GRM4: variants seen among roughly 807,000 people sequenced by gnomAD.
The protein encoded by GRM4 is glutamate metabotropic receptor 4, also known as metabotropic glutamate receptor 4.
GRM4 carries 28 observed loss-of-function variants against 81.7 expected under a neutral mutation model. The observed-to-expected ratio is 0.34, with a 90% CI of 0.25 to 0.47. GRM4 has a LOEUF of 0.47. Among genes scored for constraint, GRM4 ranks in the 20% least tolerant of loss-of-function variants. The pLI is 1.00. For synonymous variants in GRM4, 488 were observed against 528.8 expected (o/e 0.92, Z 1.06); for missense variants, 948 against 1,290.0 (o/e 0.73, Z 4.06).
rs773269550 is a variant in GRM4 at position 34,040,544 on chromosome 6, C to T, written c.1369+4G>A. 4 of 1,610,828 alleles carry T rather than the reference C, an allele frequency of 2.5e-6. No homozygotes were observed. Among genetic ancestry groups the T allele is most frequent in the Admixed American group, 1.7e-5 (1 of 59,752 alleles). Reference sequence around the variant, plus strand: ...GTCAGGCACAGTCCGCACCACACCCCCACCTGAGAAGTTGACGTTTCGGAT... The same window carrying T: ...GTCAGGCACAGTCCGCACCACACCCTCACCTGAGAAGTTGACGTTTCGGAT... On this transcript the variant is annotated splice_donor_region_variant and intron_variant, in intron 7 of 10. Coordinates refer to ENST00000538487, the MANE Select transcript of GRM4 (RefSeq NM_000841.4).
intron 2 of GRM4, among the ~76,000 whole-genome samples, chr6:34,128,994 C>T (rs977124180): frequency 4.0e-5 from 6 of 151,800 alleles, no homozygotes; most frequent in South Asian, 4.2e-4. Flanking sequence ...CTTCCTCCCC[C>T]GAACAATGAC....
chr6:34,041,886 C>T (rs1203677354), intron 6 of GRM4, among the ~76,000 whole-genome samples: 3 of 152,182 alleles, frequency 2.0e-5, no homozygotes, highest in South Asian at 2.1e-4. Flanking sequence ...AGGCATTGTA[C>T]GGAACTCTTG....
In GRM4 at chr6:34,026,053, C is replaced by A. The variant is rs187374772; in HGVS notation, c.2689+2067G>T. 7.6e-4 allele frequency among the ~76,000 whole-genome samples: 116 copies of A among 152,320 alleles called. 1 individual carries two copies. The highest frequency in any genetic ancestry group is 2.5e-3 in the African/African-American group (105 of 41,560). ...TGCTGGTTTTCAGTTGCCGGAGGCG[C>A]AGATAACAATTAGCCAGGCAGTGCT... On this transcript the variant is annotated intron_variant, in intron 10 of 10. Transcript: ENST00000538487.
upstream of GRM4, among the ~76,000 whole-genome samples, chr6:34,146,411 G>C (rs1166735343): frequency 6.6e-6 from 1 of 152,180 alleles, no homozygotes; most frequent in Non-Finnish European, 1.5e-5. Flanking sequence ...CCTCCTGGTC[G>C]GCAGGCTGCA....
chr6:34,111,330 C>G lies in GRM4; in HGVS notation c.520-19231G>C, dbSNP rs141564759. ...ATGAGGAGCCACTCCTTGAGTCCCA[C>G]ACATACTTTCCTGGACTCACACTCA... On this transcript the variant is annotated intron_variant, in intron 2 of 10. Coordinates refer to ENST00000538487, the MANE Select transcript of GRM4 (RefSeq NM_000841.4). This position sits in a 1 kb window ranked among gnomAD's most constrained non-coding sequence, Gnocchi z 5.1. 1.1e-3 allele frequency among the ~76,000 whole-genome samples: 168 copies of G among 151,540 alleles called. No individual in the cohort carries two copies. Among genetic ancestry groups the G allele is most frequent in the African/African-American group, 3.5e-3 (145 of 41,232 alleles).
At chr6:34,044,271 T>TACACATACACACAC (rs1765179898) in intron 6 of GRM4, among the ~76,000 whole-genome samples, 1 of 139,552 alleles carries the variant, frequency 7.2e-6, no homozygotes, top group African/African-American at 2.7e-5. Flanking sequence ...CATACACATA[T>TACACATACACACAC]ACACATACAC....
intron 3 of GRM4, chr6:34,063,166 G>A (rs936048902): frequency 2.6e-5 from 4 of 152,448 alleles, no homozygotes; most frequent in African/African-American, 9.6e-5. Context: ...GGCACCGCTG[G>A]GCTTCCAAAT....
In GRM4 at chr6:34,018,696, G is replaced by A. The variant is rs1763764259; in HGVS notation, c.*4125C>T. 1 of 152,096 alleles carries A rather than the reference G, an allele frequency of 6.6e-6. No homozygotes were observed. The highest frequency in any genetic ancestry group is 1.5e-5 in the Non-Finnish European group (1 of 68,020). The allele number at this position is 152,096 out of a possible 1,614,324, so 9.4% of individuals were successfully genotyped here. A position where few individuals can be genotyped will look rare whatever the true frequency, so the allele number is the denominator to read the frequency against. On this transcript the variant is annotated 3_prime_UTR_variant, in exon 11 of 11. Transcript: ENST00000538487. ...GAGCAATGGCGGGCTGAATTACACA[G>A]GCAGGGCCTTGGAGGTTACCTAAAA... is the stretch of plus-strand genomic sequence containing the variant.
intron 8 of GRM4, among the ~76,000 whole-genome samples, chr6:34,039,519 C>T (rs918876847): frequency 2.6e-5 from 4 of 152,180 alleles, no homozygotes; most frequent in African/African-American, 9.7e-5. Flanking sequence ...GAGGAACAAA[C>T]CAAAGGTCCT....
intron 2 of GRM4, among the ~76,000 whole-genome samples, chr6:34,099,297 GGCCCTCAGCCT>G (rs905600345): frequency 8.5e-5 from 13 of 152,302 alleles, no homozygotes; most frequent in African/African-American, 2.6e-4. Flanking sequence ...GTGGTCAGAT[GGCCCTCAGCCT>G]GCCCTCAGCC....
At chr6:34,056,410 G>T in intron 6 of GRM4, 134 bp downstream of exon 6, 1 of 745,524 alleles carries the variant, frequency 1.3e-6, no homozygotes, top group East Asian at 2.8e-5. Context: ...CACCCCAGGT[G>T]CAGGCCCAAC....
At chr6:34,132,547 T>C (rs988021398) in intron 2 of GRM4, among the ~76,000 whole-genome samples, 1 of 150,622 alleles carries the variant, frequency 6.6e-6, no homozygotes, top group Non-Finnish European at 1.5e-5. Flanking sequence ...CATATTTCCA[T>C]TCTTCTTATC....
At chr6:34,117,567 A>G (rs1769647700) in intron 2 of GRM4, among the ~76,000 whole-genome samples, 10 of 152,110 alleles carry the variant, frequency 6.6e-5, no homozygotes, top group Admixed American at 6.5e-4. Context: ...GGGGGCTTTC[A>G]TCCTGAGCAA....
chr6:34,075,536 G>A (rs573500504), intron 3 of GRM4, among the ~76,000 whole-genome samples: 8 of 152,268 alleles, frequency 5.3e-5, no homozygotes, highest in South Asian at 4.1e-4. Context: ...CATCGTGCCC[G>A]TCTGCTCCTC....
chr6:34,119,415 G>GC (rs1769714977), intron 2 of GRM4, among the ~76,000 whole-genome samples: 1 of 152,144 alleles, frequency 6.6e-6, no homozygotes, highest in Non-Finnish European at 1.5e-5. Context: ...GAGAGAGAGG[G>GC]AGTGAGTGAG....
At chr6:34,071,599 C>A (rs867443799) in intron 3 of GRM4, among the ~76,000 whole-genome samples, 1 of 139,072 alleles carries the variant, frequency 7.2e-6, no homozygotes. Flanking sequence ...CACACAGATA[C>A]ATACCACACA....
At position 34,072,881 on chromosome 6, in the gene GRM4, ACAT is replaced by A. The variant is rs369861886; in HGVS notation, c.737-10856_737-10854del. On this transcript the variant is annotated intron_variant, in intron 3 of 10. Transcript: ENST00000538487. ...AATCACCACACAGATGCACACCCAC[ACAT>A]CATCACACAGATACCACACACACAT... Among the ~76,000 whole-genome samples the A allele has an allele frequency of 6.1e-3, 436 of 71,238 alleles. 3 individuals carry two copies. Among genetic ancestry groups the A allele is most frequent in the Middle Eastern group, 0.013 (1 of 76 alleles). The allele number at this position is 71,238 out of a possible 152,430, so 46.7% of individuals were successfully genotyped here.
intron 3 of GRM4, chr6:34,063,537 GCACACACACGCACATGTGCGTGCACA>G (rs1766289656): frequency 2.0e-5 from 3 of 149,840 alleles, no homozygotes; most frequent in South Asian, 2.1e-4. Context: ...ACACACGCAT[GCACACACACGCACATGTGCGTGCACA>G]CACACACACA....
intron 10 of GRM4, among the ~76,000 whole-genome samples, chr6:34,027,473 C>G (rs1050227029): frequency 6.6e-6 from 1 of 152,152 alleles, no homozygotes; most frequent in African/African-American, 2.4e-5. Flanking sequence ...CCCAGACAGG[C>G]AACTACCTGA....
Sources: allele counts gnomAD v4.1 joint callset (sites outside exome capture counted in the v4.1 genomes callset), GRCh38; gene constraint gnomAD v4.1.1; non-coding constraint Gnocchi (gnomAD v3.1); transcripts MANE v1.5; gene names NCBI Gene and HGNC (gene_info 2026-07-23, HGNC 2026-07-21).